ZMPSTE24: variants seen among roughly 807,000 people sequenced by gnomAD.
ZMPSTE24 encodes CAAX prenyl protease 1 homolog.
Under a neutral mutation model 56.7 loss-of-function variants are expected in ZMPSTE24, and 48 were observed. The ratio of observed to expected loss-of-function variants is 0.85; its 90% CI spans 0.67 to 1.08. The LOEUF (loss-of-function observed/expected upper bound fraction) is 1.08, where lower values mean the gene tolerates loss of function less well. ZMPSTE24 is among the 50% of genes least tolerant of loss of function. The pLI, the probability that ZMPSTE24 is intolerant of heterozygous loss-of-function variation, is 0.00. For missense variants in ZMPSTE24, 503 were observed against 548.7 expected (o/e 0.92, Z 0.83); for synonymous variants, 172 against 195.2 (o/e 0.88, Z 0.99).
At chr1:40,277,964 C>CAAAAA (rs35695915) in intron 6 of ZMPSTE24, among the ~76,000 whole-genome samples, 4 of 48,296 alleles carry the variant, frequency 8.3e-5, no homozygotes, top group Admixed American at 2.2e-4. Context: ...GACTCCATCT[C>CAAAAA]AAAAAAAAAA....
At chr1:40,269,674 C>T (rs530801108) in intron 4 of ZMPSTE24, among the ~76,000 whole-genome samples, 1 of 152,224 alleles carries the variant, frequency 6.6e-6, no homozygotes, top group South Asian at 2.1e-4. Context: ...CTATGTTGCC[C>T]AGGCTGGCCT....
intron 1 of ZMPSTE24, among the ~76,000 whole-genome samples, chr1:40,258,690 G>T (rs1218687290): frequency 2.0e-5 from 3 of 152,102 alleles, no homozygotes; most frequent in Admixed American, 6.6e-5. Context: ...CCCAGACTTG[G>T]CCTCCTTTAT....
In ZMPSTE24 at chr1:40,270,099, C is replaced by A. The variant is rs767759144; in HGVS notation, c.599C>A (p.Ala200Asp). The change falls in exon 5 of 10, where the codon GCC (alanine) becomes GAC (aspartate). Residue 200 changes from alanine (A) to aspartate (D), a missense_variant. Coordinates refer to ENST00000372759, the MANE Select transcript of ZMPSTE24 (RefSeq NM_005857.5). ...GGGGGTGACTATTTTTTTATTTATG[C>A]CTGGCTGTTCACATTAGTTGTGTCT... ...KIGGDYFFIY[A>D]WLFTLVVSLV... 5 of 1,613,702 alleles carry A rather than the reference C, an allele frequency of 3.1e-6. No individual in the cohort carries two copies. Among genetic ancestry groups the A allele is most frequent in the Non-Finnish European group, 4.2e-6 (5 of 1,179,884 alleles).
rs1643858678 is a variant in ZMPSTE24 at position 40,292,943 on chromosome 1, GA to G, written c.*276del. 1 of 364,924 alleles carries G rather than the reference GA, an allele frequency of 2.7e-6. No individual in the cohort carries two copies. The allele number at this position is 364,924 out of a possible 1,614,324, so 22.6% of individuals were successfully genotyped here. A position where few individuals can be genotyped will look rare whatever the true frequency, so the allele number is the denominator to read the frequency against. ...TTGTAAAATTATTTGGAAAAATACAGAACTCGTTTTATTTGTATACTTATAT... is the reference window on the plus strand; with the variant it reads ...TTGTAAAATTATTTGGAAAAATACAGACTCGTTTTATTTGTATACTTATAT... On this transcript the variant is annotated 3_prime_UTR_variant, in exon 10 of 10. Transcript: ENST00000372759.
chr1:40,272,065 A>C, intron 6 of ZMPSTE24, 30 bp downstream of exon 6: 2 of 1,569,714 alleles, frequency 1.3e-6, no homozygotes, highest in Non-Finnish European at 1.7e-6. Flanking sequence ...AGAAAGTTTT[A>C]TCCAAGTGGT....
At chr1:40,290,100 C>T (rs1272475902) in intron 8 of ZMPSTE24, among the ~76,000 whole-genome samples, 2 of 152,082 alleles carry the variant, frequency 1.3e-5, no homozygotes, top group African/African-American at 4.8e-5. Context: ...CTAAAAACTA[C>T]TGGCGGGGCA....
intron 6 of ZMPSTE24, among the ~76,000 whole-genome samples, chr1:40,272,309 C>A (rs1212903486): frequency 6.6e-6 from 1 of 152,080 alleles, no homozygotes; most frequent in Admixed American, 6.6e-5. Context: ...AATTTTTGGC[C>A]AAGGCTTTTT....
chr1:40,264,453 A>G (rs1346457307), intron 2 of ZMPSTE24, among the ~76,000 whole-genome samples: 1 of 152,200 alleles, frequency 6.6e-6, no homozygotes, highest in Non-Finnish European at 1.5e-5. Flanking sequence ...GGAATTACTT[A>G]GTCATTGGGT....
chr1:40,290,356 C>G (rs367699291), intron 8 of ZMPSTE24, among the ~76,000 whole-genome samples: 1 of 150,474 alleles, frequency 6.6e-6, no homozygotes, highest in Non-Finnish European at 1.5e-5. Context: ...CTGAGCTCCA[C>G]CCTGGGCGAC....
intron 2 of ZMPSTE24, chr1:40,262,570 A>G (rs551500542): frequency 1.3e-5 from 2 of 153,782 alleles, no homozygotes; most frequent in African/African-American, 2.5e-5. Flanking sequence ...TTACTTATGT[A>G]TTTATATAAT....
chr1:40,271,770 A>G (rs2124583056), intron 5 of ZMPSTE24, 124 bp from the exon 6 acceptor site: 1 of 1,067,190 alleles, frequency 9.4e-7, no homozygotes, highest in Non-Finnish European at 1.3e-6. Context: ...TACCAGAGCA[A>G]GTAAGTTCCT....
intron 2 of ZMPSTE24, among the ~76,000 whole-genome samples, chr1:40,265,532 T>C (rs528896406): frequency 1.3e-5 from 2 of 152,150 alleles, no homozygotes; most frequent in East Asian, 1.9e-4. Context: ...TGAGACCCCA[T>C]CTGTACAAAA....
At chr1:40,279,377 T>C (rs984844285) in intron 6 of ZMPSTE24, among the ~76,000 whole-genome samples, 3 of 152,352 alleles carry the variant, frequency 2.0e-5, no homozygotes, top group Non-Finnish European at 2.9e-5. Context: ...ACCATGAATT[T>C]TGAATCCTTA....
intron 9 of ZMPSTE24, among the ~76,000 whole-genome samples, chr1:40,292,092 C>T (rs1310754638): frequency 6.6e-6 from 1 of 152,110 alleles, no homozygotes; most frequent in African/African-American, 2.4e-5. Flanking sequence ...CCACCTGCCT[C>T]AGCTTCCCAA....
intron 4 of ZMPSTE24, among the ~76,000 whole-genome samples, chr1:40,269,335 C>T (rs1208619473): frequency 2.6e-5 from 4 of 151,766 alleles, no homozygotes; most frequent in East Asian, 1.9e-4. Flanking sequence ...GTTGAGGCTA[C>T]GGTGAGCCAT....
intron 8 of ZMPSTE24, among the ~76,000 whole-genome samples, chr1:40,288,170 C>A (rs1175897558): frequency 6.6e-6 from 1 of 151,894 alleles, no homozygotes; most frequent in South Asian, 2.1e-4. Flanking sequence ...CAGACCCTGT[C>A]TCTAAAAAAA....
chr1:40,267,980 GT>G, intron 3 of ZMPSTE24, 108 bp downstream of exon 3: 2 of 934,080 alleles, frequency 2.1e-6, no homozygotes, highest in Non-Finnish European at 3.5e-6. Context: ...TTGCCTCTCT[GT>G]TTGCATAGTC....
chr1:40,285,984 G>T lies in ZMPSTE24; in HGVS notation c.1014G>T (p.Gly338=). 3.1e-6 allele frequency: 5 copies of T among 1,614,054 alleles called. No homozygotes were observed. Among genetic ancestry groups the T allele is most frequent in the Non-Finnish European group, 4.2e-6 (5 of 1,179,956 alleles). The change falls in exon 8 of 10, where the codon GGG becomes GGT. Residue 338 remains glycine (G), a synonymous_variant. Coordinates refer to ENST00000372759, the MANE Select transcript of ZMPSTE24 (RefSeq NM_005857.5). ...EVLAVLGHEL[G]HWKLGHTVKN... ...TCGCTGTACTAGGCCATGAACTGGG[G>T]CACTGGAAGTTGGGACATACAGTCA...
chr1:40,290,851 T>C lies in ZMPSTE24; in HGVS notation c.1060-3T>C, dbSNP rs1643836002. ...CTTAGAAATTTCATGTCCTTCTTTC[T>C]AGATGAATTCTTTCCTGTGTTTTTT... On this transcript the variant is annotated splice_polypyrimidine_tract_variant and splice_region_variant and intron_variant, in intron 8 of 9. Coordinates refer to ENST00000372759, the MANE Select transcript of ZMPSTE24 (RefSeq NM_005857.5). 1 of 1,613,928 alleles carries C rather than the reference T, an allele frequency of 6.2e-7. No individual in the cohort carries two copies. The highest frequency in any genetic ancestry group is 8.5e-7 in the Non-Finnish European group (1 of 1,179,876).
Sources: gnomAD v4.1 joint callset for allele counts (sites outside exome capture counted in the v4.1 genomes callset) on GRCh38, gnomAD v4.1.1 for gene constraint, MANE v1.5 for transcripts, NCBI Gene and HGNC (gene_info 2026-07-23, HGNC 2026-07-21) for gene names.